The following TSHZ3 variants were observed in gnomAD, a reference collection of about 807,000 sequenced individuals.
The protein encoded by TSHZ3 is teashirt zinc finger homeobox 3.
Under a neutral mutation model 64.5 loss-of-function variants are expected in TSHZ3, and 10 were observed. The observed-to-expected ratio is 0.16, with a 90% CI of 0.10 to 0.26. The LOEUF is 0.26. TSHZ3 is among the 10% of genes least tolerant of loss of function. The pLI is 1.00. For missense variants in TSHZ3, 1,242 were observed against 1,421.7 expected (o/e 0.87, Z 2.03); for synonymous variants, 608 against 593.1 (o/e 1.03, Z -0.36).
At chr19:31,198,784 G>T (rs150282330) in intron 5 of TSHZ3, among the ~76,000 whole-genome samples, 1 of 152,016 alleles carries the variant, frequency 6.6e-6, no homozygotes, top group Non-Finnish European at 1.5e-5. Context: ...AATCAAGGAA[G>T]GACTAAATAA....
At chr19:31,263,299 T>C (rs113854014) in intron 1 of TSHZ3, among the ~76,000 whole-genome samples, 124 of 152,252 alleles carry the variant, frequency 8.1e-4, no homozygotes, top group African/African-American at 2.9e-3. Flanking sequence ...GTCATTTTCA[T>C]GGAGGAAGGA....
At chr19:31,325,613 T>C (rs1916911432) in intron 1 of TSHZ3, among the ~76,000 whole-genome samples, 1 of 152,126 alleles carries the variant, frequency 6.6e-6, no homozygotes, top group Admixed American at 6.5e-5. Flanking sequence ...GGAGAACAGT[T>C]TGGATATTTA....
intron 5 of TSHZ3, among the ~76,000 whole-genome samples, chr19:31,158,610 A>C (rs1974334782): frequency 6.6e-6 from 1 of 152,182 alleles, no homozygotes; most frequent in African/African-American, 2.4e-5. Context: ...TGATTCAAAA[A>C]TACTATATTT....
intron 3 of TSHZ3, among the ~76,000 whole-genome samples, chr19:31,241,248 T>G (rs1201799853): frequency 6.6e-6 from 1 of 152,164 alleles, no homozygotes; most frequent in East Asian, 1.9e-4. Context: ...TCCAAGGTAT[T>G]TCCCAAGCCC....
At position 31,278,309 on chromosome 19, in the gene TSHZ3, T is replaced by C. The variant is rs1976290681; in HGVS notation, c.1484A>G (p.Glu495Gly). 6.2e-7 allele frequency: 1 copy of C among 1,614,198 alleles called. No homozygotes were observed. Among genetic ancestry groups the C allele is most frequent in the Non-Finnish European group, 8.5e-7 (1 of 1,180,042 alleles). ...TTTGGAAGAGATGTCACACTTCTCC[T>C]CTTCTTCGCCAGGCTTGTCTTTTTG... The part of the protein sequence containing the change: ...PKQKDKPGEE[E>G]EKCDISSKYH... The change falls in exon 2 of 2, where the codon GAG becomes GGG. Residue 495 changes from glutamate (E) to glycine (G), a missense_variant. Glu to Gly is a moderately conservative substitution (Grantham distance 98). Around this residue, in one of 4 missense-constraint regions of TSHZ3, gnomAD observed 555 missense variants for 704.0 expected, o/e 0.79. Coordinates refer to ENST00000240587, the MANE Select transcript of TSHZ3 (RefSeq NM_020856.4). The surrounding 1 kb of genome is among the most constrained non-coding windows in gnomAD (Gnocchi z 4.7).
intron 5 of TSHZ3, among the ~76,000 whole-genome samples, chr19:31,174,952 G>A (rs879362894): frequency 2.6e-5 from 4 of 152,232 alleles, no homozygotes; most frequent in Admixed American, 6.5e-5. Flanking sequence ...TTAATCTGGA[G>A]CAAAACATCC....
At chr19:31,249,807 G>T (rs560172131) in intron 1 of TSHZ3, among the ~76,000 whole-genome samples, 1 of 152,278 alleles carries the variant, frequency 6.6e-6, no homozygotes, top group East Asian at 1.9e-4. Context: ...TTCCTCCAAG[G>T]TGACATGTAA....
intron 1 of TSHZ3, among the ~76,000 whole-genome samples, chr19:31,315,497 C>A (rs1289779165): frequency 6.6e-6 from 1 of 152,246 alleles, no homozygotes; most frequent in Non-Finnish European, 1.5e-5. Context: ...GGCCAGGCCG[C>A]AGCAGTGGGG....
intron 1 of TSHZ3, among the ~76,000 whole-genome samples, chr19:31,316,154 G>A (rs897201370): frequency 2.0e-5 from 3 of 152,176 alleles, no homozygotes; most frequent in Non-Finnish European, 4.4e-5. Context: ...GGATCTCAAA[G>A]TCTTCAGTGA....
chr19:31,340,367 A>C (rs1917395017), intron 1 of TSHZ3, among the ~76,000 whole-genome samples: 2 of 132,340 alleles, frequency 1.5e-5, no homozygotes, highest in African/African-American at 5.6e-5. Context: ...AAAAAAAACC[A>C]CAGACTTCCT....
At chr19:31,274,805 G>C (rs1976198241), downstream of TSHZ3, 1 of 151,908 alleles carries the variant, frequency 6.6e-6, no homozygotes, top group Non-Finnish European at 1.5e-5. Flanking sequence ...AACTCCCCCT[G>C]ATTTACGCAC....
In TSHZ3 at chr19:31,278,371, G is replaced by T. The variant is rs774032101; in HGVS notation, c.1422C>A (p.Val474=). 2 of 1,614,082 alleles carry T rather than the reference G, an allele frequency of 1.2e-6. No individual in the cohort carries two copies. The highest frequency in any genetic ancestry group is 1.7e-6 in the Non-Finnish European group (2 of 1,180,024). ...CGTCAGTGACCGCTTTCTCCTTGTC[G>T]ACTTCCTTCTTGACCTCCACATTCA... ...PKLNVEVKKE[V]DKEKAVTDEK... The change falls in exon 2 of 2, where the codon GTC becomes GTA. Residue 474 remains valine (V), a synonymous_variant. Coordinates refer to ENST00000240587, the MANE Select transcript of TSHZ3 (RefSeq NM_020856.4). This position sits in a 1 kb window ranked among gnomAD's most constrained non-coding sequence, Gnocchi z 4.7.
chr19:31,242,830 C>G (rs1050960125), exon 2 of TSHZ3, among the ~76,000 whole-genome samples: 2 of 89,870 alleles, frequency 2.2e-5, no homozygotes, highest in Admixed American at 1.2e-4. Flanking sequence ...GAGAGAGAAC[C>G]TGGAGCTCTG....
intron 3 of TSHZ3, among the ~76,000 whole-genome samples, chr19:31,239,718 T>C (rs989537483): frequency 2.0e-5 from 3 of 151,726 alleles, no homozygotes; most frequent in African/African-American, 7.2e-5. Flanking sequence ...AGCTGGAGAC[T>C]ACAGGCATGT....
At chr19:31,350,317 G>C (rs1455064010), upstream of TSHZ3, among the ~76,000 whole-genome samples, 1 of 150,334 alleles carries the variant, frequency 6.7e-6, no homozygotes, top group Non-Finnish European at 1.5e-5. Context: ...TTTTTCCCCG[G>C]ACAAACTTTC....
At chr19:31,246,605 A>AGAGGAAGG (rs1330876252) in intron 1 of TSHZ3, among the ~76,000 whole-genome samples, 9 of 152,142 alleles carry the variant, frequency 5.9e-5, no homozygotes, top group Non-Finnish European at 1.2e-4. Flanking sequence ...AAAAAGGGAC[A>AGAGGAAGG]GAGGAAGGGA....
chr19:31,316,295 C>T (rs1456929919), intron 1 of TSHZ3, among the ~76,000 whole-genome samples: 1 of 152,198 alleles, frequency 6.6e-6, no homozygotes, highest in African/African-American at 2.4e-5. Context: ...TGTGAGAACT[C>T]CATTGTGTTT....
chr19:31,238,880 T>C (rs1975655690), intron 3 of TSHZ3, among the ~76,000 whole-genome samples: 1 of 152,234 alleles, frequency 6.6e-6, no homozygotes, highest in African/African-American at 2.4e-5. Flanking sequence ...ATCTGCATTT[T>C]ATTATTTGAT....
rs572491192 is a variant in TSHZ3 at position 31,322,657 on chromosome 19, C to T, written c.40+26523G>A. On this transcript the variant is annotated intron_variant, in intron 1 of 1. Coordinates refer to ENST00000240587, the MANE Select transcript of TSHZ3 (RefSeq NM_020856.4). ...CTGGTCTCGAACTGCTAGCCTCAAG[C>T]GATCCTCCTGCCTCGGCCTCCCAAA... Among the ~76,000 whole-genome samples the T allele has an allele frequency of 3.3e-5, 5 of 151,044 alleles. No homozygotes were observed. The East Asian group carries it at 5.9e-4, about 18-fold the overall frequency.
Sources: allele counts gnomAD v4.1 joint callset (sites outside exome capture counted in the v4.1 genomes callset), GRCh38; gene constraint gnomAD v4.1.1; regional missense constraint gnomAD v4.1.1; non-coding constraint Gnocchi (gnomAD v3.1); transcripts MANE v1.5; gene names NCBI Gene and HGNC (gene_info 2026-07-23, HGNC 2026-07-21).